DLEU7: variants seen among roughly 807,000 people sequenced by gnomAD.
DLEU7 encodes the protein leukemia-associated protein 7.
A neutral mutation model predicts 16.0 loss-of-function variants in DLEU7; 17 were observed. That is an observed-to-expected ratio of 1.06 (90% CI 0.73 to 1.59). The LOEUF is 1.59. DLEU7 is among the 40% of genes most tolerant of loss of function. The probability of loss-of-function intolerance (pLI) is 0.00; values close to 1 mark genes in which losing one functional copy is unlikely to be tolerated. For missense variants in DLEU7, 308 were observed against 314.9 expected, an observed-to-expected ratio of 0.98 and a Z score of 0.17; for synonymous variants, 113 against 139.8, an observed-to-expected ratio of 0.81 and a Z score of 1.35.
chr13:50,758,738 A>G (rs1482358569), intron 1 of DLEU7, among the ~76,000 whole-genome samples: 1 of 152,222 alleles, frequency 6.6e-6, no homozygotes, highest in African/African-American at 2.4e-5. Context: ...AGGGCTGACT[A>G]TAAACACAAC....
intron 1 of DLEU7, among the ~76,000 whole-genome samples, chr13:50,780,901 T>TGA (rs1875631440): frequency 1.3e-5 from 2 of 152,172 alleles, no homozygotes; most frequent in Admixed American, 6.5e-5. Flanking sequence ...TTTCCCCTGT[T>TGA]CTGCCAGATA....
At chr13:50,721,128 G>T (rs866471129) in intron 1 of DLEU7, among the ~76,000 whole-genome samples, 2 of 152,174 alleles carry the variant, frequency 1.3e-5, no homozygotes, top group African/African-American at 4.8e-5. Context: ...GGGAGAAGCC[G>T]ACTTGCTGAG....
intron 1 of DLEU7, among the ~76,000 whole-genome samples, chr13:50,742,777 T>A (rs1049927588): frequency 6.6e-6 from 1 of 152,214 alleles, no homozygotes; most frequent in Non-Finnish European, 1.5e-5. Context: ...TCAACTCTGA[T>A]GTTTTGTGAA....
chr13:50,769,498 C>T (rs914213124), intron 1 of DLEU7, among the ~76,000 whole-genome samples: 1 of 152,152 alleles, frequency 6.6e-6, no homozygotes, highest in African/African-American at 2.4e-5. Flanking sequence ...TTTCAGCTTT[C>T]TACATATGGC....
At chr13:50,733,109 T>C (rs951938840) in intron 1 of DLEU7, among the ~76,000 whole-genome samples, 1 of 152,176 alleles carries the variant, frequency 6.6e-6, no homozygotes, top group African/African-American at 2.4e-5. Flanking sequence ...AGCATGCCAT[T>C]GTTTTAGATA....
At chr13:50,814,250 G>A (rs764461051) in intron 1 of DLEU7, among the ~76,000 whole-genome samples, 14 of 152,074 alleles carry the variant, frequency 9.2e-5, no homozygotes, top group East Asian at 5.8e-4. Context: ...GTCTCAGTCC[G>A]GAAGCCAGAA....
At chr13:50,719,926 C>T (rs1197632501) in intron 1 of DLEU7, among the ~76,000 whole-genome samples, 1 of 152,026 alleles carries the variant, frequency 6.6e-6, no homozygotes, top group African/African-American at 2.4e-5. Context: ...CAAGCTGACC[C>T]GAAAGTCACA....
chr13:50,717,306 C>A (rs1028908850), intron 1 of DLEU7, among the ~76,000 whole-genome samples: 2 of 152,106 alleles, frequency 1.3e-5, no homozygotes, highest in East Asian at 3.8e-4. Context: ...ATGCTGGACA[C>A]AGATGGTAAG....
intron 1 of DLEU7, among the ~76,000 whole-genome samples, chr13:50,720,095 G>T (rs1873556356): frequency 6.6e-6 from 1 of 152,100 alleles, no homozygotes; most frequent in African/African-American, 2.4e-5. Flanking sequence ...TGGTTTCATT[G>T]GTTCCTCCTC....
chr13:50,795,919 T>C (rs572354347), intron 1 of DLEU7, among the ~76,000 whole-genome samples: 23 of 152,216 alleles, frequency 1.5e-4, no homozygotes, highest in Non-Finnish European at 2.8e-4. Flanking sequence ...AGTCAGAGTA[T>C]GATTTTTCTT....
chr13:50,800,017 A>G (rs1320971920), intron 1 of DLEU7, among the ~76,000 whole-genome samples: 1 of 152,214 alleles, frequency 6.6e-6, no homozygotes, highest in Admixed American at 6.6e-5. Flanking sequence ...CTGTGAAGAA[A>G]GATTGGCAAG....
intron 1 of DLEU7, among the ~76,000 whole-genome samples, chr13:50,767,348 C>A (rs899318866): frequency 6.9e-6 from 1 of 145,934 alleles, no homozygotes; most frequent in Non-Finnish European, 1.5e-5. Context: ...CCCAGCTACG[C>A]GGGAGGCTGA....
intron 1 of DLEU7, among the ~76,000 whole-genome samples, chr13:50,828,709 T>A (rs113106217): frequency 1.3e-5 from 2 of 152,160 alleles, no homozygotes; most frequent in Admixed American, 6.5e-5. Flanking sequence ...CTTCTCCCTA[T>A]GAAAAACCCT....
In DLEU7 at chr13:50,745,395, A is replaced by G. The variant is rs1593538311; in HGVS notation, c.460-32155T>C. On this transcript the variant is annotated intron_variant, in intron 1 of 1. Coordinates refer to the DLEU7 transcript ENST00000400393. ...GACAGAAAGTAGAATGATGGTTATC[A>G]GGGGCTGGGAGGTTTGGGAAATGGG... is the stretch of plus-strand genomic sequence containing the variant. Among the ~76,000 whole-genome samples, 3 of 139,298 alleles carry G rather than the reference A, an allele frequency of 2.2e-5. No individual in the cohort carries two copies. In the South Asian group the frequency reaches 6.4e-4, roughly 30 times the overall value. 91.4% of individuals were successfully genotyped at this position (139,298 alleles called of 152,430 possible). A position where few individuals can be genotyped will look rare whatever the true frequency, so the allele number is the denominator to read the frequency against.
At chr13:50,729,276 T>C (rs1873852951) in intron 1 of DLEU7, among the ~76,000 whole-genome samples, 1 of 152,208 alleles carries the variant, frequency 6.6e-6, no homozygotes, top group Admixed American at 6.5e-5. Context: ...AGAAAGAACA[T>C]GCAGTATTTG....
chr13:50,791,115 G>T (rs373599408), intron 1 of DLEU7, among the ~76,000 whole-genome samples: 41 of 152,262 alleles, frequency 2.7e-4, no homozygotes, highest in Middle Eastern at 3.4e-3. Flanking sequence ...TCACCATCAT[G>T]CATCCAACCT....
chr13:50,792,769 A>T (rs77404827), intron 1 of DLEU7, among the ~76,000 whole-genome samples: 3 of 151,828 alleles, frequency 2.0e-5, no homozygotes, highest in Non-Finnish European at 4.4e-5. Flanking sequence ...CCCTTACCCA[A>T]TCAATTTAAG....
intron 1 of DLEU7, among the ~76,000 whole-genome samples, chr13:50,721,047 C>T (rs1182004139): frequency 6.6e-6 from 1 of 152,254 alleles, no homozygotes; most frequent in Admixed American, 6.5e-5. Context: ...GAGGCTGACC[C>T]AGCTGCAATG....
chr13:50,733,041 C>G (rs1256426702), intron 1 of DLEU7, among the ~76,000 whole-genome samples: 1 of 152,032 alleles, frequency 6.6e-6, no homozygotes, highest in Non-Finnish European at 1.5e-5. Flanking sequence ...TATGCGCACT[C>G]ACACACACAC....
Sources: allele counts gnomAD v4.1 joint callset (sites outside exome capture counted in the v4.1 genomes callset), GRCh38; gene constraint gnomAD v4.1.1; transcripts MANE v1.5; gene names NCBI Gene and HGNC (gene_info 2026-07-23, HGNC 2026-07-21).